Variants in EPS8L1 observed in about 807,000 individuals in gnomAD.
EPS8L1 encodes the protein epidermal growth factor receptor kinase substrate 8-like protein 1.
Under a neutral mutation model 91.7 loss-of-function variants are expected in EPS8L1, and 101 were observed. That is an observed-to-expected ratio of 1.10 (90% CI 0.94 to 1.30). EPS8L1 has a LOEUF of 1.30. EPS8L1 is among the 50% of genes most tolerant of loss of function. EPS8L1 has a pLI of 0.00. For synonymous variants in EPS8L1, 506 were observed against 445.3 expected (o/e 1.14, Z -1.72); for missense variants, 1,114 against 1,017.0 (o/e 1.10, Z -1.30).
rs1003870945 is a variant in EPS8L1 at position 55,076,571 on chromosome 19, T to G, written c.17+110T>G. 1.7e-5 allele frequency: 22 copies of G among 1,320,468 alleles called. 1 individual carries two copies. In the East Asian group the frequency reaches 1.7e-4, roughly 10 times the overall value. 81.8% of individuals were successfully genotyped at this position (1,320,468 alleles called of 1,614,324 possible). A position where few individuals can be genotyped will look rare whatever the true frequency, so the allele number is the denominator to read the frequency against. On this transcript the variant is annotated intron_variant, in intron 2 of 19. Transcript: ENST00000201647. The stretch of plus-strand genomic sequence containing the variant: ...CCAGACTGTTTGCGGCGGCCCAGAC[T>G]CTGGCCCAAGCCCCGACACTCAGGA...
At position 55,087,352 on chromosome 19, in the gene EPS8L1, C is replaced by A. The variant is rs1411526579; in HGVS notation, c.2002C>A (p.Gln668Lys). 1 of 1,612,802 alleles carries A rather than the reference C, an allele frequency of 6.2e-7. No individual in the cohort carries two copies. The highest frequency in any genetic ancestry group is 8.5e-7 in the Non-Finnish European group (1 of 1,179,670). The part of the protein sequence containing the change: ...VLTGAQLFSL[Q>K]KEELRAVSPE... The stretch of plus-strand genomic sequence containing the variant: ...GACCGGGGCGCAGCTTTTCTCGCTG[C>A]AGAAGGAGGAGCTGCGGGCGGTGAG... The change falls in exon 19 of 20, where the codon CAG becomes AAG. Residue 668 changes from glutamine (Q) to lysine (K), a missense_variant. Coordinates refer to ENST00000201647, the MANE Select transcript of EPS8L1 (RefSeq NM_133180.3).
At chr19:55,076,364 G>C (rs1297455696) in intron 1 of EPS8L1, 44 bp from the exon 2 acceptor site, 6 of 1,553,630 alleles carry the variant, frequency 3.9e-6, no homozygotes, top group Non-Finnish European at 4.4e-6. Context: ...GTAGGAATTA[G>C]AGGCTCCTAC....
rs775021379 is a variant in EPS8L1, at chr19:55,082,189, G to T, written c.990+9G>T. ...ACGCCTTCAGCCTGCTGGTGAGGAC[G>T]CGCCCGCCCCTGGGCCGGGGCGCGG... On this transcript the variant is annotated intron_variant, in intron 10 of 19. Transcript: ENST00000201647. The T allele has an allele frequency of 3.0e-5, 47 of 1,589,968 alleles. No homozygotes were observed. Among genetic ancestry groups the T allele is most frequent in the Non-Finnish European group, 4.0e-5 (47 of 1,168,100 alleles).
At chr19:55,087,100 G>C in intron 18 of EPS8L1, 1 of 1,075,626 alleles carries the variant, frequency 9.3e-7, no homozygotes, top group Non-Finnish European at 1.3e-6. Flanking sequence ...GGGAAATCCC[G>C]TACCCTTTGA....
chr19:55,079,111 C>T (rs934039798), intron 4 of EPS8L1, 54 bp downstream of exon 4: 27 of 1,586,392 alleles, frequency 1.7e-5, no homozygotes, highest in Non-Finnish European at 2.2e-5. Flanking sequence ...AAGGTGGCCT[C>T]AGGAGATAGG....
In EPS8L1 at chr19:55,085,952, C is replaced by T. The variant is rs534582392; in HGVS notation, c.1497C>T (p.Val499=). ...FQARNSSELS[V]KQRDVLEVLD... ...CCCGCAACAGCAGTGAGCTGTCGGT[C>T]AAGCAGCGGGACGTACTGGAGGTTA... Residue 499 remains valine (V), a synonymous_variant, in exon 15 of 20, where the codon GTC becomes GTT. Transcript: ENST00000201647. 1.4e-5 allele frequency: 22 copies of T among 1,613,520 alleles called. No homozygotes were observed. In the South Asian group the frequency reaches 2.2e-4, roughly 16 times the overall value.
At chr19:55,085,576 C>G in intron 14 of EPS8L1, 1 of 348,978 alleles carries the variant, frequency 2.9e-6, no homozygotes, top group Non-Finnish European at 5.2e-6. Flanking sequence ...AAGTCATTTT[C>G]TCGCTCTGAG....
Position 55,083,622 on chromosome 19 carries a change from G to A in EPS8L1, c.1363G>A (p.Ala455Thr), listed in dbSNP as rs751816089. 2 of 1,596,036 alleles carry A rather than the reference G, an allele frequency of 1.3e-6. No homozygotes were observed. Among genetic ancestry groups the A allele is most frequent in the Non-Finnish European group, 8.5e-7 (1 of 1,171,870 alleles). Reference protein sequence around the residue: ...QHERRRRQQSAPQVAVNGHRD... With the variant: ...QHERRRRQQSTPQVAVNGHRD... Reference sequence around the variant, plus strand: ...ACTGTCTTACTTCCTACAGCAAAGCGCCCCCCAGGTCGCTGTCAATGGGTG... The same window carrying A: ...ACTGTCTTACTTCCTACAGCAAAGCACCCCCCAGGTCGCTGTCAATGGGTG... The change falls in exon 14 of 20, where the codon GCC (alanine) becomes ACC (threonine). Residue 455 changes from alanine to threonine, a missense_variant. Transcript: ENST00000201647. The surrounding 1 kb of genome is among the most constrained non-coding windows in gnomAD (Gnocchi z 4.7).
chr19:55,086,922 G>C, intron 18 of EPS8L1, 34 bp downstream of exon 18: 2 of 1,408,532 alleles, frequency 1.4e-6, no homozygotes, highest in Non-Finnish European at 1.8e-6. Context: ...GGCGCGGGTT[G>C]ATACGGACGC....
At position 55,086,680 on chromosome 19, in the gene EPS8L1, C is replaced by T. The variant is rs374687855; in HGVS notation, c.1778-34C>T. On this transcript the variant is annotated intron_variant, in intron 17 of 19. Coordinates refer to ENST00000201647, the MANE Select transcript of EPS8L1 (RefSeq NM_133180.3). ...GGCCCCAGGACCCCTCGCCCTGAGCCCGCACTCCCTACCTCCCGGTTTCCC... is the reference window on the plus strand; with the variant it reads ...GGCCCCAGGACCCCTCGCCCTGAGCTCGCACTCCCTACCTCCCGGTTTCCC... 7.2e-5 allele frequency: 115 copies of T among 1,588,618 alleles called. No homozygotes were observed. In the East Asian group the frequency reaches 1.1e-3, roughly 15 times the overall value.
intron 4 of EPS8L1, 117 bp downstream of exon 4, chr19:55,079,174 G>C: frequency 8.9e-7 from 1 of 1,117,404 alleles, no homozygotes; most frequent in Non-Finnish European, 1.4e-6. Flanking sequence ...AAGTCAGTTT[G>C]CCCATCCATA....
intron 2 of EPS8L1, 44 bp downstream of exon 2, chr19:55,076,505 C>G (rs751522702): frequency 1.6e-5 from 25 of 1,596,374 alleles, no homozygotes; most frequent in Non-Finnish European, 2.1e-5. Flanking sequence ...GCACGCCTCC[C>G]GCCTCCCCTC....
intron 17 of EPS8L1, 43 bp from the exon 18 acceptor site, chr19:55,086,671 G>T: frequency 5.0e-6 from 4 of 804,298 alleles, no homozygotes; most frequent in East Asian, 5.0e-5. Flanking sequence ...AGGACCCCTC[G>T]CCCTGAGCCC....
intron 18 of EPS8L1, 128 bp downstream of exon 18, chr19:55,087,016 G>C (rs2076360135): frequency 7.9e-7 from 1 of 1,262,986 alleles, no homozygotes; most frequent in Non-Finnish European, 1.0e-6. Flanking sequence ...CCCGAAGTGA[G>C]GGTCTGTCTG....
At position 55,081,331 on chromosome 19, in the gene EPS8L1, C is replaced by T; in HGVS notation, c.613C>T (p.Arg205Trp). 6.4e-7 allele frequency: 1 copy of T among 1,556,304 alleles called. No homozygotes were observed. Among genetic ancestry groups the T allele is most frequent in the Non-Finnish European group, 8.6e-7 (1 of 1,156,426 alleles). The part of the protein sequence containing the change: ...SVRAVISTVE[R>W]GAGRGRPQAK... ...CCGCGCAGTGATCAGCACCGTAGAGCGGGGCGCGGGCCGCGGACGACCCCA... is the reference window on the plus strand; with the variant it reads ...CCGCGCAGTGATCAGCACCGTAGAGTGGGGCGCGGGCCGCGGACGACCCCA... Residue 205 changes from arginine to tryptophan, a missense_variant, in exon 8 of 20, where the codon CGG becomes TGG. By Grantham distance (101) the Arg-to-Trp change is moderately radical (BLOSUM62 -3). Transcript: ENST00000201647. The surrounding 1 kb of genome is among the most constrained non-coding windows in gnomAD (Gnocchi z 4.9).
chr19:55,080,922 C>T, intron 7 of EPS8L1, 68 bp downstream of exon 7: 1 of 1,401,546 alleles, frequency 7.1e-7, no homozygotes, highest in Non-Finnish European at 9.8e-7. Context: ...CAGTCTACAA[C>T]ACCAGCCTGG....
In EPS8L1 at chr19:55,087,539, A is replaced by G; in HGVS notation, c.2097A>G (p.Lys699=). Residue 699 remains lysine (K), a synonymous_variant, in exon 20 of 20, where the codon AAA becomes AAG. Transcript: ENST00000201647. ...ACCCCGCCCTCCAGGACAAAGAGAAAGTGTCAGAGCTGGAGGCAGTGATGG... is the reference window on the plus strand; with the variant it reads ...ACCCCGCCCTCCAGGACAAAGAGAAGGTGTCAGAGCTGGAGGCAGTGATGG... ...VQRSLLEDKE[K]VSELEAVMEK... 1 of 1,614,132 alleles carries G rather than the reference A, an allele frequency of 6.2e-7. No individual in the cohort carries two copies. Among genetic ancestry groups the G allele is most frequent in the Non-Finnish European group, 8.5e-7 (1 of 1,179,978 alleles).
At position 55,082,483 on chromosome 19, in the gene EPS8L1, C is replaced by T; in HGVS notation, c.1095C>T (p.Phe365=). 1.9e-6 allele frequency: 3 copies of T among 1,612,628 alleles called. No individual in the cohort carries two copies. The highest frequency in any genetic ancestry group is 2.5e-6 in the Non-Finnish European group (3 of 1,179,768). ...MIVNTSGGPE[F]ASSVRRPHLT... ...TGAACACGTCGGGGGGGCCGGAGTT[C>T]GCGAGCAGTGTGCGGCGGCCGCATC... Residue 365 remains phenylalanine, a synonymous_variant, in exon 12 of 20, where the codon TTC becomes TTT. Transcript: ENST00000201647.
chr19:55,086,198 C>T lies in EPS8L1; in HGVS notation c.1650+6C>T, dbSNP rs757066129. On this transcript the variant is annotated splice_donor_region_variant and intron_variant, in intron 16 of 19. Coordinates refer to ENST00000201647, the MANE Select transcript of EPS8L1 (RefSeq NM_133180.3). ...AAAGCCCTGCCCGCAGCCTGGTGAGCCAGCGCAGACGCTGGGATCTTGAGG... is the reference window on the plus strand; with the variant it reads ...AAAGCCCTGCCCGCAGCCTGGTGAGTCAGCGCAGACGCTGGGATCTTGAGG... 20 of 1,592,034 alleles carry T rather than the reference C, an allele frequency of 1.3e-5. No individual in the cohort carries two copies. The highest frequency in any genetic ancestry group is 1.8e-4 in the Middle Eastern group (1 of 5,642).
Sources: gnomAD v4.1 joint callset for allele counts on GRCh38, gnomAD v4.1.1 for gene constraint, Gnocchi (gnomAD v3.1) non-coding constraint, MANE v1.5 for transcripts, NCBI Gene and HGNC (gene_info 2026-07-23, HGNC 2026-07-21) for gene names.